Variants in PPARGC1A observed in about 807,000 individuals in gnomAD.
PPARGC1A encodes the protein peroxisome proliferator-activated receptor gamma coactivator 1-alpha.
In PPARGC1A, 25 loss-of-function variants were observed where a neutral mutation model predicts 88.7. The ratio of observed to expected loss-of-function variants is 0.28; its 90% CI spans 0.21 to 0.39. PPARGC1A has a LOEUF of 0.39. Ranked by LOEUF, PPARGC1A falls within the 10% of genes least tolerant of loss-of-function variation. The pLI, the probability that PPARGC1A is intolerant of heterozygous loss-of-function variation, is 1.00. For synonymous variants in PPARGC1A, 363 were observed against 355.6 expected, an observed-to-expected ratio of 1.02 and a Z score of -0.24; for missense variants, 880 against 968.7, an observed-to-expected ratio of 0.91 and a Z score of 1.22.
At chr4:24,140,483 C>T in the PPARGC1A span, among the ~76,000 whole-genome samples, 8 of 152,122 alleles carry the variant, frequency 5.3e-5, no homozygotes, top group Non-Finnish European at 8.8e-5. Flanking sequence ...CTGAAAATAG[C>T]ACTCTCTTCA....
the PPARGC1A span, among the ~76,000 whole-genome samples, chr4:24,296,390 G>C: frequency 1.3e-5 from 2 of 151,986 alleles, no homozygotes; most frequent in Non-Finnish European, 2.9e-5. Context: ...TACTTTGAAA[G>C]ATAAAATGGG....
chr4:23,906,304 A>C (rs1720023467), upstream of PPARGC1A, among the ~76,000 whole-genome samples: 1 of 152,124 alleles, frequency 6.6e-6, no homozygotes, highest in African/African-American at 2.4e-5. Context: ...TGACCACATG[A>C]AAAATCTTAT....
At chr4:24,202,210 T>G in the PPARGC1A span, among the ~76,000 whole-genome samples, 1 of 152,210 alleles carries the variant, frequency 6.6e-6, no homozygotes, top group Non-Finnish European at 1.5e-5. Flanking sequence ...CCCATTCTGA[T>G]GGACATCAGG....
the PPARGC1A span, among the ~76,000 whole-genome samples, chr4:24,149,973 GC>G: frequency 2.0e-5 from 3 of 152,114 alleles, no homozygotes; most frequent in Admixed American, 2.0e-4. Flanking sequence ...AAGGTGGAGT[GC>G]CCCCAATTTT....
At chr4:24,028,031 G>T in the PPARGC1A span, among the ~76,000 whole-genome samples, 1 of 151,976 alleles carries the variant, frequency 6.6e-6, no homozygotes, top group African/African-American at 2.4e-5. Context: ...CTGAGGCTTG[G>T]AAAATTAAAG....
the PPARGC1A span, among the ~76,000 whole-genome samples, chr4:24,472,887 C>T: frequency 6.7e-6 from 1 of 149,308 alleles, no homozygotes; most frequent in African/African-American, 2.5e-5. This position sits in a 1 kb window ranked among gnomAD's most constrained non-coding sequence, Gnocchi z 4.5. Context: ...AGAGGCAGCG[C>T]GAGCGGGCGG....
chr4:24,448,082 A>G, the PPARGC1A span, among the ~76,000 whole-genome samples: 1 of 152,180 alleles, frequency 6.6e-6, no homozygotes, highest in Non-Finnish European at 1.5e-5. Flanking sequence ...ACGAGCTACT[A>G]AACTTTTATC....
the PPARGC1A span, among the ~76,000 whole-genome samples, chr4:24,013,021 C>T: frequency 6.6e-6 from 1 of 152,110 alleles, no homozygotes; most frequent in East Asian, 1.9e-4. Context: ...CACAATTAAT[C>T]TTATTAGAAA....
chr4:24,058,213 G>T, the PPARGC1A span, among the ~76,000 whole-genome samples: 2 of 152,088 alleles, frequency 1.3e-5, no homozygotes, highest in African/African-American at 4.8e-5. Context: ...ATGAAGTCTA[G>T]GAAGGCAGGG....
chr4:24,254,361 G>T, the PPARGC1A span, among the ~76,000 whole-genome samples: 1 of 152,172 alleles, frequency 6.6e-6, no homozygotes, highest in Non-Finnish European at 1.5e-5. Context: ...CAGCTCTGGA[G>T]CCTGTCTTTT....
the PPARGC1A span, among the ~76,000 whole-genome samples, chr4:24,443,551 GT>G: frequency 2.7e-5 from 4 of 149,240 alleles, no homozygotes; most frequent in Admixed American, 2.0e-4. Context: ...GTTTTTGTTT[GT>G]TTTTGTTTTT....
chr4:24,162,099 T>C, the PPARGC1A span, among the ~76,000 whole-genome samples: 13 of 151,746 alleles, frequency 8.6e-5, no homozygotes, highest in Non-Finnish European at 1.5e-4. Flanking sequence ...TTATTCTAAG[T>C]GAAGTAACTC....
At chr4:23,886,057 G>C (rs963184636) in intron 1 of PPARGC1A, among the ~76,000 whole-genome samples, 4 of 152,142 alleles carry the variant, frequency 2.6e-5, no homozygotes, top group African/African-American at 7.2e-5. Context: ...AGACAGTAAA[G>C]AACACTGCAG....
the PPARGC1A span, among the ~76,000 whole-genome samples, chr4:24,378,369 C>T: frequency 6.5e-4 from 99 of 151,748 alleles, 1 homozygote; most frequent in Non-Finnish European, 9.3e-4. Context: ...AATAAAATAC[C>T]AATCTGTGTA....
At chr4:24,300,287 T>C in the PPARGC1A span, among the ~76,000 whole-genome samples, 1 of 150,154 alleles carries the variant, frequency 6.7e-6, no homozygotes, top group African/African-American at 2.5e-5. Flanking sequence ...GGGTTTTTTT[T>C]CCTCCTTTAA....
chr4:23,917,204 C>T, the PPARGC1A span, among the ~76,000 whole-genome samples: 2 of 152,090 alleles, frequency 1.3e-5, no homozygotes, highest in Non-Finnish European at 2.9e-5. Context: ...ATTAGCTAAA[C>T]CCATGTTGAA....
At chr4:23,807,446 A>G (rs1201840102) in intron 10 of PPARGC1A, among the ~76,000 whole-genome samples, 1 of 152,192 alleles carries the variant, frequency 6.6e-6, no homozygotes. Context: ...GTTAATGTGA[A>G]TAAGTCCAGG....
chr4:23,893,461 T>C (rs1047224840), upstream of PPARGC1A, among the ~76,000 whole-genome samples: 8 of 152,330 alleles, frequency 5.3e-5, no homozygotes, highest in Admixed American at 2.0e-4. Flanking sequence ...ATATATTTGT[T>C]CATTTGTTTT....
the PPARGC1A span, among the ~76,000 whole-genome samples, chr4:23,945,095 C>T: frequency 6.6e-6 from 1 of 151,972 alleles, no homozygotes; most frequent in African/African-American, 2.4e-5. Flanking sequence ...AGAATAGTGC[C>T]AGGTACATTA....
Sources: gnomAD v4.1 joint callset for allele counts (sites outside exome capture counted in the v4.1 genomes callset) on GRCh38, gnomAD v4.1.1 for gene constraint, Gnocchi (gnomAD v3.1) non-coding constraint, MANE v1.5 for transcripts, NCBI Gene and HGNC (gene_info 2026-07-23, HGNC 2026-07-21) for gene names.